The following TXK variants were observed in gnomAD, a reference collection of about 807,000 sequenced individuals.
The protein encoded by TXK is TXK tyrosine kinase, also known as tyrosine-protein kinase TXK.
TXK carries 60 observed loss-of-function variants against 81.0 expected under a neutral mutation model. The ratio of observed to expected loss-of-function variants is 0.74; its 90% confidence interval spans 0.60 to 0.92. The LOEUF (loss-of-function observed/expected upper bound fraction) is 0.92, where lower values mean the gene tolerates loss of function less well. Ranked by LOEUF, TXK falls within the 40% of genes least tolerant of loss-of-function variation. The probability of loss-of-function intolerance (pLI) is 0.00; values close to 1 mark genes in which losing one functional copy is unlikely to be tolerated. For missense variants in TXK, 581 were observed against 638.3 expected (o/e 0.91, Z 0.97); for synonymous variants, 203 against 210.7 (o/e 0.96, Z 0.32).
intron 13 of TXK, 108 bp from the exon 14 acceptor site, chr4:48,071,782 G>T: frequency 1.6e-6 from 2 of 1,273,076 alleles, no homozygotes; most frequent in Non-Finnish European, 2.2e-6. Flanking sequence ...CCAGGCTTTG[G>T]GCTATAACCA....
At chr4:48,133,226 G>GT (rs33984668) in intron 1 of TXK, among the ~76,000 whole-genome samples, 7 of 24,178 alleles carry the variant, frequency 2.9e-4, no homozygotes, top group South Asian at 2.2e-3. Flanking sequence ...ATTCTGCTTG[G>GT]TTTTTTTTTT....
Position 48,074,054 on chromosome 4 carries a change from CTAAGTT to C in TXK, c.1239-7_1239-2del, listed in dbSNP as rs781557744. 6.2e-7 allele frequency: 1 copy of C among 1,606,706 alleles called. No individual in the cohort carries two copies. Among genetic ancestry groups the C allele is most frequent in the South Asian group, 1.1e-5 (1 of 90,746 alleles). The stretch of plus-strand genomic sequence containing the variant: ...GACATACTCATCATCCAAAACGTAC[CTAAGTT>C]TATCAGATTCAAAGCATATTGTGTT... On this transcript the variant is annotated splice_acceptor_variant and splice_polypyrimidine_tract_variant and intron_variant, in intron 12 of 14. Transcript: ENST00000264316. LOFTEE classifies it high-confidence loss of function.
At chr4:48,125,383 C>A (rs1213822461) in intron 1 of TXK, among the ~76,000 whole-genome samples, 1 of 152,176 alleles carries the variant, frequency 6.6e-6, no homozygotes, top group Non-Finnish European at 1.5e-5. Context: ...TTTAAGGTAA[C>A]CAAATAGGAG....
chr4:48,102,145 A>G (rs1383286916), intron 6 of TXK, among the ~76,000 whole-genome samples: 1 of 151,950 alleles, frequency 6.6e-6, no homozygotes, highest in African/African-American at 2.4e-5. Context: ...TGCCTGGCTA[A>G]TTTTTGTATT....
intron 10 of TXK, among the ~76,000 whole-genome samples, chr4:48,085,426 G>C (rs1717484235): frequency 1.3e-5 from 2 of 152,040 alleles, no homozygotes; most frequent in South Asian, 4.1e-4. Context: ...AAGAGTACTT[G>C]TAAAGCACCT....
chr4:48,087,548 G>C (rs367645000), intron 9 of TXK, among the ~76,000 whole-genome samples: 22 of 151,962 alleles, frequency 1.4e-4, no homozygotes, highest in African/African-American at 5.1e-4. Context: ...TGATTTTCCT[G>C]CCTCAGCCTC....
At position 48,095,181 on chromosome 4, in the gene TXK, T is replaced by C; in HGVS notation, c.543A>G (p.Leu181=). The part of the protein sequence containing the change: ...GAFIVRDSRH[L]GSYTISVFMG... ...TAAATACGGAAATTGTGTAGGATCC[T>C]AAATGTCTTGAATCTCTGACAATAA... is the stretch of plus-strand genomic sequence containing the variant. The change falls in exon 7 of 15, where the codon TTA becomes TTG. Residue 181 remains leucine, a synonymous_variant. Transcript: ENST00000264316. 6.2e-7 allele frequency: 1 copy of C among 1,613,758 alleles called. No individual in the cohort carries two copies. The highest frequency in any genetic ancestry group is 1.3e-5 in the African/African-American group (1 of 75,022).
At chr4:48,107,311 C>A (rs552917553) in intron 5 of TXK, among the ~76,000 whole-genome samples, 66 of 151,756 alleles carry the variant, frequency 4.3e-4, no homozygotes, top group African/African-American at 1.5e-3. Flanking sequence ...AGCCATAAAT[C>A]TTTCTATGCA....
intron 11 of TXK, among the ~76,000 whole-genome samples, chr4:48,078,805 T>C (rs995861760): frequency 2.6e-5 from 4 of 152,234 alleles, no homozygotes; most frequent in Non-Finnish European, 2.9e-5. Flanking sequence ...ATTCTTTATA[T>C]AAAGTGGAGA....
chr4:48,091,518 T>C (rs965769875), intron 8 of TXK, among the ~76,000 whole-genome samples: 3 of 152,120 alleles, frequency 2.0e-5, no homozygotes, highest in South Asian at 4.2e-4. Flanking sequence ...TTCTTTTTTT[T>C]TTTTGAGATG....
In TXK at chr4:48,114,328, G is replaced by GC; in HGVS notation, c.71+19dup. The GC allele has an allele frequency of 6.2e-7, 1 of 1,612,950 alleles. No homozygotes were observed. The highest frequency in any genetic ancestry group is 8.5e-7 in the Non-Finnish European group (1 of 1,179,048). On this transcript the variant is annotated intron_variant, in intron 2 of 14. Transcript: ENST00000264316. ...GGAATTAATTAATTTTCAAGAAATT[G>GC]CCCTCGGAAGTAGACTTACCGCTTC...
chr4:48,105,757 C>T (rs1718435666), intron 5 of TXK, among the ~76,000 whole-genome samples: 1 of 152,156 alleles, frequency 6.6e-6, no homozygotes, highest in Non-Finnish European at 1.5e-5. Context: ...ACACCCTCTC[C>T]CGCCTCATCT....
At chr4:48,088,753 A>G (rs1017346246) in intron 9 of TXK, among the ~76,000 whole-genome samples, 7 of 152,236 alleles carry the variant, frequency 4.6e-5, no homozygotes, top group Non-Finnish European at 5.9e-5. Context: ...TATTATATAT[A>G]CTATCTGTGG....
intron 14 of TXK, among the ~76,000 whole-genome samples, 165 bp from the exon 15 acceptor site, chr4:48,067,870 C>A (rs766757985): frequency 2.0e-5 from 3 of 152,136 alleles, no homozygotes; most frequent in Non-Finnish European, 2.9e-5. Flanking sequence ...TTGCCACCTG[C>A]GGCATAAATA....
Position 48,080,251 on chromosome 4 carries a change from C to T in TXK, c.957-123G>A, listed in dbSNP as rs1717245834. The T allele has an allele frequency of 7.6e-6, 6 of 785,544 alleles. No individual in the cohort carries two copies. The South Asian group carries it at 1.0e-4, about 13-fold the overall frequency. The allele number at this position is 785,544 out of a possible 1,614,324, so 48.7% of individuals were successfully genotyped here. On this transcript the variant is annotated intron_variant, in intron 10 of 14. Transcript: ENST00000264316. ...ATTATCAAGATAAGATAAAAATCAA[C>T]CCAAACACAGAGGAAGTAGTTCAGT... is the stretch of plus-strand genomic sequence containing the variant.
chr4:48,091,171 C>A (rs2109428976), intron 8 of TXK, among the ~76,000 whole-genome samples: 1 of 152,274 alleles, frequency 6.6e-6, no homozygotes, highest in East Asian at 1.9e-4. Flanking sequence ...AGAAAAAGAG[C>A]ACTTGACACA....
chr4:48,116,185 T>C (rs2704401), intron 1 of TXK, among the ~76,000 whole-genome samples: 118,513 of 152,192 alleles, frequency 0.78, 46,977 homozygotes, highest in African/African-American at 0.94. Flanking sequence ...TTCTGTGCTT[T>C]AGTTTCCTCG....
intron 5 of TXK, among the ~76,000 whole-genome samples, chr4:48,108,185 A>G (rs1284503315): frequency 6.6e-6 from 1 of 152,220 alleles, no homozygotes; most frequent in Non-Finnish European, 1.5e-5. Flanking sequence ...TCAGGTTGTT[A>G]TATCTGGTAC....
chr4:48,131,987 C>T (rs1317160979), intron 1 of TXK, among the ~76,000 whole-genome samples: 10 of 149,964 alleles, frequency 6.7e-5, no homozygotes, highest in Non-Finnish European at 1.0e-4. Context: ...TTCTTATCTG[C>T]GTGAATGGAA....
Sources: allele counts gnomAD v4.1 joint callset (sites outside exome capture counted in the v4.1 genomes callset), GRCh38; gene constraint gnomAD v4.1.1; transcripts MANE v1.5; gene names NCBI Gene and HGNC (gene_info 2026-07-23, HGNC 2026-07-21).